The following CCDC178 variants were observed in gnomAD, a reference collection of about 807,000 sequenced individuals.
CCDC178 encodes the protein coiled-coil domain-containing protein 178.
A neutral mutation model predicts 117.4 loss-of-function variants in CCDC178; 126 were observed. The ratio of observed to expected loss-of-function variants is 1.07; its 90% CI spans 0.93 to 1.24. The LOEUF (loss-of-function observed/expected upper bound fraction) is 1.24, where lower values mean the gene tolerates loss of function less well. CCDC178 is among the 50% of genes most tolerant of loss of function. The pLI, the probability that CCDC178 is intolerant of heterozygous loss-of-function variation, is 0.00. For missense variants in CCDC178, 1,030 were observed against 986.9 expected, an observed-to-expected ratio of 1.04 and a Z score of -0.59; for synonymous variants, 283 against 313.4, an observed-to-expected ratio of 0.90 and a Z score of 1.02.
chr18:33,071,648 T>C (rs1434320415), intron 21 of CCDC178, among the ~76,000 whole-genome samples: 1 of 152,176 alleles, frequency 6.6e-6, no homozygotes, highest in East Asian at 1.9e-4. Context: ...CTCTTTGTCA[T>C]ATTCTCATTG....
chr18:33,208,010 C>G (rs1462976145), intron 20 of CCDC178, among the ~76,000 whole-genome samples: 1 of 152,012 alleles, frequency 6.6e-6, no homozygotes, highest in Admixed American at 6.6e-5. Context: ...GAGGTAATCT[C>G]TGATACAAAA....
intron 12 of CCDC178, among the ~76,000 whole-genome samples, chr18:33,281,227 T>C (rs900975238): frequency 6.6e-6 from 1 of 152,094 alleles, no homozygotes; most frequent in African/African-American, 2.4e-5. Flanking sequence ...ATATGTGCTA[T>C]TTATTGCAAT....
chr18:33,001,937 G>C (rs2055643592), intron 21 of CCDC178, among the ~76,000 whole-genome samples: 1 of 152,042 alleles, frequency 6.6e-6, no homozygotes, highest in Non-Finnish European at 1.5e-5. Context: ...AGACAAAGAA[G>C]GTCATTATAT....
At chr18:33,076,077 A>C (rs953095755) in intron 21 of CCDC178, among the ~76,000 whole-genome samples, 1 of 152,240 alleles carries the variant, frequency 6.6e-6, no homozygotes, top group Non-Finnish European at 1.5e-5. Flanking sequence ...TTCTAAATGC[A>C]TGCTTCATGG....
rs1193040397 is a variant in CCDC178, at chr18:33,309,771, A to G, written c.1022+13720T>C. On this transcript the variant is annotated intron_variant, in intron 11 of 22. Coordinates refer to ENST00000383096, the MANE Select transcript of CCDC178 (RefSeq NM_001105528.4). ...AATTTGGAGATTAAAACTCATTTAT[A>G]AAACAATATTTTAAAAACTAAGTAG... Among the ~76,000 whole-genome samples the G allele has an allele frequency of 3.3e-5, 5 of 152,148 alleles. No individual in the cohort carries two copies. The East Asian group carries it at 9.6e-4, about 29-fold the overall frequency.
intron 11 of CCDC178, among the ~76,000 whole-genome samples, chr18:33,317,112 C>T (rs1466688498): frequency 1.3e-5 from 2 of 152,158 alleles, no homozygotes; most frequent in African/African-American, 4.8e-5. Flanking sequence ...CTTGGGTCCC[C>T]TTCCACACTG....
chr18:33,210,175 A>T (rs2059090659), intron 20 of CCDC178, among the ~76,000 whole-genome samples: 1 of 152,080 alleles, frequency 6.6e-6, no homozygotes, highest in Non-Finnish European at 1.5e-5. Context: ...CTGAGATTTT[A>T]GGATACAGAA....
chr18:33,127,626 G>C (rs1348196764), intron 20 of CCDC178, among the ~76,000 whole-genome samples: 1 of 151,958 alleles, frequency 6.6e-6, no homozygotes, highest in Non-Finnish European at 1.5e-5. Context: ...AGTAGAGACG[G>C]GGTTTCACCA....
chr18:33,047,054 G>T (rs1304365978), intron 21 of CCDC178, among the ~76,000 whole-genome samples: 1 of 152,082 alleles, frequency 6.6e-6, no homozygotes, highest in Non-Finnish European at 1.5e-5. Flanking sequence ...TTTGGCAATT[G>T]CAAGAAATAC....
chr18:33,241,312 T>C (rs1444425269), intron 15 of CCDC178, among the ~76,000 whole-genome samples: 1 of 151,670 alleles, frequency 6.6e-6, no homozygotes, highest in African/African-American at 2.4e-5. Flanking sequence ...TCTTAACCAA[T>C]CTCATTCAAT....
chr18:33,394,987 A>ATATATATATG (rs2063616591), intron 4 of CCDC178, among the ~76,000 whole-genome samples: 1 of 121,460 alleles, frequency 8.2e-6, no homozygotes, highest in Non-Finnish European at 1.7e-5. Flanking sequence ...ATATATATAT[A>ATATATATATG]TGTATACATA....
chr18:33,420,128 T>G (rs2064004041), intron 2 of CCDC178, among the ~76,000 whole-genome samples: 1 of 152,062 alleles, frequency 6.6e-6, no homozygotes, highest in Non-Finnish European at 1.5e-5. Context: ...AAGAATGAGA[T>G]CATGTCCTTT....
At chr18:33,163,304 T>G (rs1598949284) in intron 20 of CCDC178, among the ~76,000 whole-genome samples, 1 of 152,292 alleles carries the variant, frequency 6.6e-6, no homozygotes, top group Non-Finnish European at 1.5e-5. Context: ...TTAAAATATA[T>G]AAACATATAG....
chr18:33,115,235 C>T (rs368337071), intron 20 of CCDC178, among the ~76,000 whole-genome samples: 3 of 152,036 alleles, frequency 2.0e-5, no homozygotes, highest in African/African-American at 4.8e-5. Flanking sequence ...CTGACTTAGG[C>T]CCAACCTTTC....
At chr18:33,179,078 A>AAAATATATAT (rs71159804) in intron 20 of CCDC178, among the ~76,000 whole-genome samples, 7 of 55,820 alleles carry the variant, frequency 1.3e-4, no homozygotes, top group East Asian at 5.1e-4. Flanking sequence ...AAAAAAAAAA[A>AAAATATATAT]ATATATATAT....
At chr18:33,074,500 T>C (rs1405034539) in intron 21 of CCDC178, among the ~76,000 whole-genome samples, 1 of 152,178 alleles carries the variant, frequency 6.6e-6, no homozygotes, top group Non-Finnish European at 1.5e-5. Flanking sequence ...GGCATCCACC[T>C]GAAGGGATGA....
intron 20 of CCDC178, among the ~76,000 whole-genome samples, chr18:33,168,455 G>T (rs1192704924): frequency 6.6e-6 from 1 of 152,074 alleles, no homozygotes; most frequent in Non-Finnish European, 1.5e-5. Flanking sequence ...GTCTGTCTTT[G>T]TAGCAGTAGA....
chr18:33,221,019 T>C (rs890815068), intron 18 of CCDC178, among the ~76,000 whole-genome samples: 4 of 152,122 alleles, frequency 2.6e-5, no homozygotes, highest in Non-Finnish European at 5.9e-5. Context: ...TGGAGCTGTT[T>C]ACTGTTATGA....
intron 14 of CCDC178, among the ~76,000 whole-genome samples, chr18:33,257,017 A>G (rs2059688585): frequency 6.6e-6 from 1 of 152,080 alleles, no homozygotes; most frequent in South Asian, 2.1e-4. Context: ...TAAGAACCTT[A>G]TCATTGTTTC....
Sources: allele counts gnomAD v4.1 joint callset (sites outside exome capture counted in the v4.1 genomes callset), GRCh38; gene constraint gnomAD v4.1.1; transcripts MANE v1.5; gene names NCBI Gene and HGNC (gene_info 2026-07-23, HGNC 2026-07-21).